Variants in SMYD2 observed in about 807,000 individuals in gnomAD.
The protein encoded by SMYD2 is SET and MYND domain containing 2.
Under a neutral mutation model 59.1 loss-of-function variants are expected in SMYD2, and 53 were observed. The observed-to-expected ratio is 0.90, with a 90% CI of 0.72 to 1.13. SMYD2 has a LOEUF of 1.13. Among genes scored for constraint, SMYD2 ranks in the 50% most tolerant of loss-of-function variants. The pLI is 0.00. For missense variants in SMYD2, 494 were observed against 544.7 expected, an observed-to-expected ratio of 0.91 and a Z score of 0.93; for synonymous variants, 208 against 198.8, an observed-to-expected ratio of 1.05 and a Z score of -0.39.
At chr1:214,313,219 C>A (rs1033620494) in intron 2 of SMYD2, among the ~76,000 whole-genome samples, 1 of 152,058 alleles carries the variant, frequency 6.6e-6, no homozygotes, top group Non-Finnish European at 1.5e-5. Flanking sequence ...TGGGTTCAAG[C>A]GATTCTCCTG....
intron 1 of SMYD2, among the ~76,000 whole-genome samples, chr1:214,291,462 A>G (rs1227868649): frequency 2.6e-5 from 4 of 152,164 alleles, no homozygotes; most frequent in Admixed American, 2.6e-4. Context: ...AGACTCTGTG[A>G]CCTACCCTGC....
intron 1 of SMYD2, among the ~76,000 whole-genome samples, chr1:214,303,236 T>A (rs1656855045): frequency 6.6e-6 from 1 of 152,130 alleles, no homozygotes. Flanking sequence ...CTGACACACC[T>A]CTCTGTGGAA....
At chr1:214,336,049 T>C (rs1165178164) in intron 11 of SMYD2, among the ~76,000 whole-genome samples, 1 of 152,220 alleles carries the variant, frequency 6.6e-6, no homozygotes, top group East Asian at 1.9e-4. Flanking sequence ...ACCTATTTTC[T>C]GGGTTGAACA....
chr1:214,324,176 A>G (rs971521936), intron 5 of SMYD2, among the ~76,000 whole-genome samples: 2 of 152,070 alleles, frequency 1.3e-5, no homozygotes, highest in African/African-American at 4.8e-5. Context: ...ACCTCAGGTG[A>G]TCTGCCCGCC....
intron 6 of SMYD2, among the ~76,000 whole-genome samples, chr1:214,325,602 CTG>C (rs1657247042): frequency 6.6e-6 from 1 of 152,130 alleles, no homozygotes; most frequent in East Asian, 1.9e-4. Context: ...CTGCCAGACG[CTG>C]TGCGTTGTGT....
chr1:214,312,161 C>T lies in SMYD2; in HGVS notation c.238-2601C>T, dbSNP rs144553052. 1.0e-3 allele frequency among the ~76,000 whole-genome samples: 157 copies of T among 152,274 alleles called. No individual in the cohort carries two copies. The highest frequency in any genetic ancestry group is 3.5e-3 in the African/African-American group (146 of 41,556). ...TCCCTGCTCTTAGTTATATTTGGCGCGGCATTATTTAACTCTGCAGAACAT... is the reference window on the plus strand; with the variant it reads ...TCCCTGCTCTTAGTTATATTTGGCGTGGCATTATTTAACTCTGCAGAACAT... On this transcript the variant is annotated intron_variant, in intron 2 of 11. Transcript: ENST00000366957. The surrounding 1 kb of genome is among the most constrained non-coding windows in gnomAD (Gnocchi z 4.1).
intron 1 of SMYD2, among the ~76,000 whole-genome samples, chr1:214,287,810 A>G (rs1656575665): frequency 6.6e-6 from 1 of 152,202 alleles, no homozygotes; most frequent in African/African-American, 2.4e-5. Flanking sequence ...TTTTAATAAG[A>G]AAAAACAAAT....
intron 1 of SMYD2, among the ~76,000 whole-genome samples, chr1:214,292,461 T>C (rs1478283945): frequency 6.6e-6 from 1 of 152,174 alleles, no homozygotes; most frequent in African/African-American, 2.4e-5. Flanking sequence ...CAGCACCTCA[T>C]ACAAACTTCC....
chr1:214,333,321 T>A (rs1008635931), intron 10 of SMYD2: 15 of 152,348 alleles, frequency 9.8e-5, no homozygotes, highest in African/African-American at 3.6e-4. Flanking sequence ...AGGGCCTTGC[T>A]CTGCTAGACC....
At chr1:214,293,653 T>C (rs963908404) in intron 1 of SMYD2, among the ~76,000 whole-genome samples, 2 of 152,138 alleles carry the variant, frequency 1.3e-5, no homozygotes, top group African/African-American at 4.8e-5. Context: ...TTTACCACTC[T>C]CATGTAGGCA....
chr1:214,289,168 A>G (rs1656597156), intron 1 of SMYD2, among the ~76,000 whole-genome samples: 1 of 152,136 alleles, frequency 6.6e-6, no homozygotes, highest in Non-Finnish European at 1.5e-5. Context: ...TTTGGCAGGA[A>G]CCTGGTCTTT....
chr1:214,298,766 T>C (rs909080508), intron 1 of SMYD2, among the ~76,000 whole-genome samples: 4 of 152,168 alleles, frequency 2.6e-5, no homozygotes, highest in African/African-American at 9.7e-5. Context: ...GAAAAAATGT[T>C]CAACATCACT....
At chr1:214,327,280 G>A (rs1490671469) in intron 6 of SMYD2, among the ~76,000 whole-genome samples, 1 of 152,250 alleles carries the variant, frequency 6.6e-6, no homozygotes, top group Non-Finnish European at 1.5e-5. Context: ...AGTGTATAGT[G>A]AAGTAGCAAT....
At chr1:214,313,036 CAG>C (rs1255130780) in intron 2 of SMYD2, among the ~76,000 whole-genome samples, 4 of 152,298 alleles carry the variant, frequency 2.6e-5, no homozygotes, top group Admixed American at 2.6e-4. Flanking sequence ...CAGGCAGAGA[CAG>C]AGGATTTGCC....
At chr1:214,314,739 A>G in intron 2 of SMYD2, 23 bp from the exon 3 acceptor site, 1 of 1,573,726 alleles carries the variant, frequency 6.4e-7, no homozygotes, top group Non-Finnish European at 8.7e-7. Flanking sequence ...ATTTTTTAAT[A>G]ATGTTTTTTT....
At chr1:214,283,178 C>A (rs556560087) in intron 1 of SMYD2, among the ~76,000 whole-genome samples, 6 of 152,224 alleles carry the variant, frequency 3.9e-5, no homozygotes, top group Non-Finnish European at 7.3e-5. Context: ...CTAATTGTAT[C>A]TACTACGCAT....
In SMYD2 at chr1:214,304,558, C is replaced by CAAAAAAAAA. The variant is rs56254326; in HGVS notation, c.174-613_174-605dup. Among the ~76,000 whole-genome samples, 83 of 48,024 alleles carry CAAAAAAAAA rather than the reference C, an allele frequency of 1.7e-3. 14 individuals carry two copies. Among genetic ancestry groups the CAAAAAAAAA allele is most frequent in the African/African-American group, 5.9e-3 (66 of 11,250 alleles). 31.5% of individuals were successfully genotyped at this position (48,024 alleles called of 152,430 possible). Reference sequence around the variant, plus strand: ...TGGGTGACAGAGTGAGACCCTATCTCAAAAAAAAAAAAAAAAAAAAAAAAG... The same window carrying CAAAAAAAAA: ...TGGGTGACAGAGTGAGACCCTATCTCAAAAAAAAAAAAAAAAAAAAAAAAAAAAAAAAAG... On this transcript the variant is annotated intron_variant, in intron 1 of 11. Coordinates refer to ENST00000366957, the MANE Select transcript of SMYD2 (RefSeq NM_020197.3).
At chr1:214,322,552 A>G (rs1657191076) in intron 5 of SMYD2, among the ~76,000 whole-genome samples, 1 of 152,196 alleles carries the variant, frequency 6.6e-6, no homozygotes, top group Non-Finnish European at 1.5e-5. Context: ...AGTCAAACCC[A>G]TCATATAGCT....
intron 6 of SMYD2, chr1:214,327,355 G>T: frequency 2.6e-6 from 1 of 383,432 alleles, no homozygotes; most frequent in Non-Finnish European, 4.9e-6. Flanking sequence ...GGCATTTGTT[G>T]TTTTTGCTGT....
Sources: gnomAD v4.1 joint callset for allele counts (sites outside exome capture counted in the v4.1 genomes callset) on GRCh38, gnomAD v4.1.1 for gene constraint, Gnocchi (gnomAD v3.1) non-coding constraint, MANE v1.5 for transcripts, NCBI Gene and HGNC (gene_info 2026-07-23, HGNC 2026-07-21) for gene names.